The following HELZ variants were observed in gnomAD, a reference collection of about 807,000 sequenced individuals.
The protein encoded by HELZ is helicase with zinc finger, also known as ATP-dependent RNA helicase with zinc finger domain.
A neutral mutation model predicts 218.2 loss-of-function variants in HELZ; 23 were observed. The observed-to-expected ratio is 0.11, with a 90% confidence interval of 0.08 to 0.15. The LOEUF is 0.15. HELZ is among the 10% of genes least tolerant of loss of function. The probability of loss-of-function intolerance (pLI) is 1.00; values close to 1 mark genes in which losing one functional copy is unlikely to be tolerated. For missense variants in HELZ, 1,813 were observed against 2,353.7 expected, an observed-to-expected ratio of 0.77 and a Z score of 4.75; for synonymous variants, 814 against 829.4, an observed-to-expected ratio of 0.98 and a Z score of 0.32.
intron 21 of HELZ, among the ~76,000 whole-genome samples, chr17:67,142,806 C>G (rs2038370826): frequency 6.6e-6 from 1 of 152,012 alleles, no homozygotes; most frequent in Admixed American, 6.6e-5. Context: ...ACCCAGGCTA[C>G]AGTGCGGTGG....
chr17:67,217,678 G>A (rs2040635924), intron 4 of HELZ, among the ~76,000 whole-genome samples: 1 of 152,124 alleles, frequency 6.6e-6, no homozygotes, highest in Admixed American at 6.5e-5. Context: ...AAGCACAGCA[G>A]GCATGCTTCT....
chr17:67,114,677 A>G (rs551493316), intron 27 of HELZ, among the ~76,000 whole-genome samples: 2 of 152,348 alleles, frequency 1.3e-5, no homozygotes, highest in Admixed American at 6.5e-5. Flanking sequence ...AAACTACCCA[A>G]TCTCCAGGAA....
intron 23 of HELZ, among the ~76,000 whole-genome samples, chr17:67,129,334 GTATA>G (rs148650800): frequency 0.011 from 1,664 of 151,748 alleles, 20 homozygotes; most frequent in South Asian, 0.018. Flanking sequence ...ATACACGCAT[GTATA>G]TGTGTATATA....
chr17:67,233,870 C>A (rs1481288776), intron 3 of HELZ, among the ~76,000 whole-genome samples: 2 of 151,558 alleles, frequency 1.3e-5, no homozygotes, highest in Non-Finnish European at 2.9e-5. Flanking sequence ...GAAACCCCCA[C>A]CCCCGTCTCT....
At position 67,125,029 on chromosome 17, in the gene HELZ, G is replaced by GAA. The variant is rs34489855; in HGVS notation, c.3388-1017_3388-1016dup. Among the ~76,000 whole-genome samples the GAA allele has an allele frequency of 2.0e-3, 302 of 149,264 alleles. 2 individuals carry two copies. The highest frequency in any genetic ancestry group is 6.9e-3 in the East Asian group (35 of 5,084). The stretch of plus-strand genomic sequence containing the variant: ...AAAGAGGGGATTATGTCTACAGCAG[G>GAA]AAAAAAAAATCATTCTTGACAAAAG... On this transcript the variant is annotated intron_variant, in intron 24 of 32. Coordinates refer to ENST00000358691, the MANE Select transcript of HELZ (RefSeq NM_014877.4).
intron 26 of HELZ, among the ~76,000 whole-genome samples, chr17:67,121,505 T>C (rs2143830024): frequency 6.6e-6 from 1 of 152,324 alleles, no homozygotes; most frequent in East Asian, 1.9e-4. Context: ...TTGGCTGTCA[T>C]GATTGTGAAC....
chr17:67,186,024 G>A (rs529541831), intron 12 of HELZ, among the ~76,000 whole-genome samples: 53 of 152,064 alleles, frequency 3.5e-4, no homozygotes, highest in Middle Eastern at 3.4e-3. Flanking sequence ...GGAAAACTAC[G>A]CTTTCAACTC....
intron 5 of HELZ, among the ~76,000 whole-genome samples, chr17:67,207,113 T>C (rs892160979): frequency 6.6e-6 from 1 of 151,370 alleles, no homozygotes; most frequent in African/African-American, 2.4e-5. Flanking sequence ...CGGTTCTCCA[T>C]GTTGGTCAGG....
At chr17:67,128,010 C>A (rs916809800) in intron 24 of HELZ, among the ~76,000 whole-genome samples, 1 of 152,080 alleles carries the variant, frequency 6.6e-6, no homozygotes, top group Non-Finnish European at 1.5e-5. Context: ...ATGGTAAGTG[C>A]AAGCATCTTT....
rs1304836940 is a variant in HELZ, at chr17:67,193,981, A to G, written c.543T>C (p.Tyr181=). ...ATTCACATTACCTTTTACACAAAGTATATTCCTCGCTGCTTGTGATTCCCC... is the reference window on the plus strand; with the variant it reads ...ATTCACATTACCTTTTACACAAAGTGTATTCCTCGCTGCTTGTGATTCCCC... ...PPRGITSSEE[Y]TLCKRFLEQG... is the part of the protein sequence containing the mutation. Residue 181 remains tyrosine, a synonymous_variant, in exon 9 of 33, where the codon TAT becomes TAC. Coordinates refer to ENST00000358691, the MANE Select transcript of HELZ (RefSeq NM_014877.4). The G allele has an allele frequency of 6.2e-7, 1 of 1,613,580 alleles. No individual in the cohort carries two copies. Among genetic ancestry groups the G allele is most frequent in the Admixed American group, 1.7e-5 (1 of 60,008 alleles).
At chr17:67,192,723 T>C (rs1421209917) in intron 9 of HELZ, among the ~76,000 whole-genome samples, 2 of 152,192 alleles carry the variant, frequency 1.3e-5, no homozygotes, top group Non-Finnish European at 2.9e-5. Context: ...GCAAATTTCC[T>C]TCGCTATCAA....
chr17:67,148,954 C>A (rs1320933004), intron 19 of HELZ, among the ~76,000 whole-genome samples: 1 of 152,132 alleles, frequency 6.6e-6, no homozygotes, highest in Non-Finnish European at 1.5e-5. Context: ...TCTTTCTACA[C>A]CTGACAAAGG....
At chr17:67,216,101 C>T (rs1441609476) in intron 4 of HELZ, among the ~76,000 whole-genome samples, 166 bp from the exon 5 acceptor site, 1 of 152,112 alleles carries the variant, frequency 6.6e-6, no homozygotes, top group Non-Finnish European at 1.5e-5. Flanking sequence ...GATTACAGGG[C>T]ACTCTACAAA....
intron 32 of HELZ, among the ~76,000 whole-genome samples, chr17:67,080,040 T>C (rs1425056565): frequency 7.0e-6 from 1 of 142,982 alleles, no homozygotes; most frequent in Non-Finnish European, 1.5e-5. Context: ...AGCAAATCCA[T>C]GAACTAGTTT....
chr17:67,139,288 A>G (rs2038249394), intron 21 of HELZ, among the ~76,000 whole-genome samples: 1 of 152,172 alleles, frequency 6.6e-6, no homozygotes, highest in Admixed American at 6.5e-5. Flanking sequence ...TACCCAGGGA[A>G]GGTGAAGAGC....
intron 5 of HELZ, 176 bp downstream of exon 5, chr17:67,215,723 C>A (rs2040582454): frequency 6.4e-6 from 4 of 629,886 alleles, no homozygotes. Context: ...TGAGTAAGAG[C>A]AATGTTCACA....
At chr17:67,219,255 A>G (rs1598444077) in intron 3 of HELZ, among the ~76,000 whole-genome samples, 1 of 152,328 alleles carries the variant, frequency 6.6e-6, no homozygotes, top group Middle Eastern at 3.4e-3. Context: ...AAAAAACCAA[A>G]ATCTATACCA....
Position 67,078,307 on chromosome 17 carries a change from T to C in HELZ, c.5774A>G (p.Glu1925Gly). The C allele has an allele frequency of 1.9e-6, 3 of 1,614,090 alleles. No individual in the cohort carries two copies. Among genetic ancestry groups the C allele is most frequent in the Non-Finnish European group, 2.5e-6 (3 of 1,180,008 alleles). Residue 1925 changes from glutamate (E) to glycine (G), a missense_variant, in exon 33 of 33, where the codon GAA becomes GGA. Glu to Gly is a moderately conservative substitution (Grantham distance 98). Around this residue, in one of 4 missense-constraint regions of HELZ, gnomAD observed 938 missense variants for 1,027.5 expected, o/e 0.91. Transcript: ENST00000358691. Reference sequence around the variant, plus strand: ...GCCAGATGAGCTCCCTAGGCTCAGTTCCTGGAAGAGAGACAGAGGGTCGCT... The same window carrying C: ...GCCAGATGAGCTCCCTAGGCTCAGTCCCTGGAAGAGAGACAGAGGGTCGCT... ...KSSDPLSLFQ[E>G]LSLGSSSGSN...
chr17:67,235,453 C>T (rs1382604538), intron 3 of HELZ, among the ~76,000 whole-genome samples: 1 of 151,082 alleles, frequency 6.6e-6, no homozygotes, highest in Non-Finnish European at 1.5e-5. Flanking sequence ...TGCAGTGAGT[C>T]GAGATCGTGT....
Sources: gnomAD v4.1 joint callset for allele counts (sites outside exome capture counted in the v4.1 genomes callset) on GRCh38, gnomAD v4.1.1 for gene constraint, gnomAD v4.1.1 regional missense constraint, MANE v1.5 for transcripts, NCBI Gene and HGNC (gene_info 2026-07-23, HGNC 2026-07-21) for gene names.